Variants in TNRC6C observed in about 807,000 individuals in gnomAD.
The protein encoded by TNRC6C is trinucleotide repeat-containing gene 6C protein.
Under a neutral mutation model 153.7 loss-of-function variants are expected in TNRC6C, and 20 were observed. That is an observed-to-expected ratio of 0.13 (90% confidence interval 0.09 to 0.19). The LOEUF is 0.19. TNRC6C is among the 10% of genes least tolerant of loss of function. The pLI, the probability that TNRC6C is intolerant of heterozygous loss-of-function variation, is 1.00. For missense variants in TNRC6C, 1,987 were observed against 2,172.0 expected, an observed-to-expected ratio of 0.91 and a Z score of 1.69; for synonymous variants, 811 against 841.4, an observed-to-expected ratio of 0.96 and a Z score of 0.63.
intron 10 of TNRC6C, among the ~76,000 whole-genome samples, chr17:78,080,087 G>A (rs2073152397): frequency 1.3e-5 from 2 of 152,120 alleles, no homozygotes. Flanking sequence ...GATCATTTTT[G>A]CCAATAGAGT....
chr17:77,988,132 G>A (rs1332905351), intron 1 of TNRC6C, among the ~76,000 whole-genome samples: 1 of 152,090 alleles, frequency 6.6e-6, no homozygotes, highest in Non-Finnish European at 1.5e-5. Flanking sequence ...CAGGAGGATT[G>A]CTTTAGGCCA....
At chr17:78,040,253 A>G (rs185062131) in intron 2 of TNRC6C, among the ~76,000 whole-genome samples, 2 of 152,368 alleles carry the variant, frequency 1.3e-5, no homozygotes, top group East Asian at 3.9e-4. Flanking sequence ...CCACCTGATC[A>G]TGTCAGGTTC....
chr17:78,034,486 C>T (rs149056090), intron 2 of TNRC6C, among the ~76,000 whole-genome samples: 188 of 152,170 alleles, frequency 1.2e-3, no homozygotes, highest in African/African-American at 4.3e-3. Flanking sequence ...ACTTTACTTC[C>T]AGTTCATTGT....
At chr17:78,043,807 A>G (rs1370396611) in intron 2 of TNRC6C, among the ~76,000 whole-genome samples, 1 of 152,144 alleles carries the variant, frequency 6.6e-6, no homozygotes, top group Admixed American at 6.5e-5. Context: ...AATAAGTGAG[A>G]ACATGCAAAG....
intron 1 of TNRC6C, among the ~76,000 whole-genome samples, chr17:78,024,474 C>A (rs2071896195): frequency 6.6e-6 from 1 of 151,628 alleles, no homozygotes; most frequent in South Asian, 2.1e-4. Flanking sequence ...TCACGCCATT[C>A]TCCTGCCTCA....
chr17:77,991,121 A>G (rs924496254), intron 1 of TNRC6C, among the ~76,000 whole-genome samples: 1 of 152,228 alleles, frequency 6.6e-6, no homozygotes, highest in African/African-American at 2.4e-5. Flanking sequence ...GTTATTCTGT[A>G]CAAGTGTTAA....
chr17:78,011,171 G>A (rs180802352), intron 1 of TNRC6C, among the ~76,000 whole-genome samples: 3 of 152,182 alleles, frequency 2.0e-5, no homozygotes, highest in Admixed American at 1.3e-4. Context: ...TTTCTTTTCT[G>A]TGTTTTTTTA....
At chr17:78,005,040 C>CT, upstream of TNRC6C, 1 of 1,207,938 alleles carries the variant, frequency 8.3e-7, no homozygotes. Context: ...TTCTTTCTCT[C>CT]TCTTTTTTTT....
intron 1 of TNRC6C, among the ~76,000 whole-genome samples, chr17:77,959,577 G>T (rs901726506): frequency 1.3e-5 from 2 of 152,234 alleles, no homozygotes; most frequent in South Asian, 2.1e-4. Flanking sequence ...GGTGAAATTC[G>T]GTCCTTTCCG....
At chr17:77,982,312 A>C (rs2071090069) in intron 1 of TNRC6C, among the ~76,000 whole-genome samples, 1 of 152,062 alleles carries the variant, frequency 6.6e-6, no homozygotes, top group Non-Finnish European at 1.5e-5. Flanking sequence ...ACTTCTTTAC[A>C]TTTAGAATGC....
At chr17:78,100,087 A>T (rs2073562120) in intron 17 of TNRC6C, among the ~76,000 whole-genome samples, 1 of 152,196 alleles carries the variant, frequency 6.6e-6, no homozygotes, top group Admixed American at 6.6e-5. Context: ...GGTCTTGGGC[A>T]GCTCTGCAGG....
rs879621792 is a variant in TNRC6C at position 78,056,158 on chromosome 17, CT to C, written c.2395+4715del. Among the ~76,000 whole-genome samples, 272 of 143,214 alleles carry C rather than the reference CT, an allele frequency of 1.9e-3. 1 individual carries two copies. The highest frequency in any genetic ancestry group is 0.019 in the East Asian group (93 of 4,914). 94.0% of individuals were successfully genotyped at this position (143,214 alleles called of 152,430 possible). Reference sequence around the variant, plus strand: ...AGCCACCATGCCTGGCCAGAAACTACTTTTTTTTTTTTTTCTTGAGGCAGAG... The same window carrying C: ...AGCCACCATGCCTGGCCAGAAACTACTTTTTTTTTTTTTCTTGAGGCAGAG... On this transcript the variant is annotated intron_variant, in intron 3 of 19. Coordinates refer to ENST00000301624, the Ensembl canonical transcript of TNRC6C.
At chr17:78,042,642 TA>T (rs1211599154) in intron 2 of TNRC6C, among the ~76,000 whole-genome samples, 1 of 151,984 alleles carries the variant, frequency 6.6e-6, no homozygotes, top group East Asian at 1.9e-4. Context: ...GTATTCTGAT[TA>T]AAAGAATATG....
chr17:78,086,945 ACCGCCC>A, exon 13 of TNRC6C: 1 of 1,609,698 alleles, frequency 6.2e-7, no homozygotes, highest in South Asian at 1.1e-5. Context: ...CACCACCGCC[ACCGCCC>A]CCGCCGCACC....
chr17:77,973,587 A>T (rs1163240820), intron 1 of TNRC6C, among the ~76,000 whole-genome samples: 1 of 152,224 alleles, frequency 6.6e-6, no homozygotes, highest in Non-Finnish European at 1.5e-5. Flanking sequence ...GTGTATAGAA[A>T]ATCCTTAGGA....
chr17:78,075,304 T>G lies in TNRC6C; in HGVS notation c.3060+26T>G, dbSNP rs758498661. The G allele has an allele frequency of 7.9e-5, 123 of 1,551,926 alleles. No individual in the cohort carries two copies. The highest frequency in any genetic ancestry group is 1.0e-4 in the Non-Finnish European group (117 of 1,145,076). On this transcript the variant is annotated intron_variant, in intron 8 of 19. Transcript: ENST00000301624. The surrounding 1 kb of genome is among the most constrained non-coding windows in gnomAD (Gnocchi z 4.2). ...GTATGAATATAGGTGGTTTGTTGTT[T>G]TTGCTTTTTTAACAAGAGGAGTTTT...
chr17:78,096,583 TTCACTGCA>T (rs2073491066), intron 16 of TNRC6C, among the ~76,000 whole-genome samples: 2 of 152,238 alleles, frequency 1.3e-5, no homozygotes, highest in African/African-American at 4.8e-5. Context: ...CACCTGGTTA[TTCACTGCA>T]CAACGCCATG....
intron 1 of TNRC6C, among the ~76,000 whole-genome samples, chr17:77,998,086 T>C (rs1308510996): frequency 1.3e-5 from 2 of 152,196 alleles, no homozygotes; most frequent in Non-Finnish European, 2.9e-5. Flanking sequence ...CATACAACCA[T>C]ATAACCATCA....
At chr17:78,083,301 C>T (rs556469018) in intron 11 of TNRC6C, 135 bp downstream of exon 13, 8 of 1,234,652 alleles carry the variant, frequency 6.5e-6, no homozygotes, top group African/African-American at 1.5e-5. Flanking sequence ...AGTATTTAAA[C>T]TCTTCATGAG....
Sources: allele counts gnomAD v4.1 joint callset (sites outside exome capture counted in the v4.1 genomes callset), GRCh38; gene constraint gnomAD v4.1.1; non-coding constraint Gnocchi (gnomAD v3.1); transcripts MANE v1.5; gene names NCBI Gene and HGNC (gene_info 2026-07-23, HGNC 2026-07-21).